ZFHX3: variants seen among roughly 807,000 people sequenced by gnomAD.
ZFHX3 encodes zinc finger homeobox protein 3.
ZFHX3 carries 42 observed loss-of-function variants against 279.1 expected under a neutral mutation model. The ratio of observed to expected loss-of-function variants is 0.15; its 90% CI spans 0.12 to 0.19. ZFHX3 has a LOEUF of 0.19. Among genes scored for constraint, ZFHX3 ranks in the 10% least tolerant of loss-of-function variants. The pLI is 1.00. For missense variants in ZFHX3, 4,981 were observed against 4,754.0 expected, an observed-to-expected ratio of 1.05 and a Z score of -1.40; for synonymous variants, 2,293 against 1,957.8, an observed-to-expected ratio of 1.17 and a Z score of -4.52.
chr16:73,885,502 G>A (rs2030316675), intron 1 of ZFHX3, among the ~76,000 whole-genome samples: 1 of 152,070 alleles, frequency 6.6e-6, no homozygotes, highest in East Asian at 1.9e-4. Flanking sequence ...TCTCTGAAAA[G>A]GGGAAGTGGT....
At chr16:73,538,018 C>T (rs1394113952) in intron 2 of ZFHX3, among the ~76,000 whole-genome samples, 2 of 152,164 alleles carry the variant, frequency 1.3e-5, no homozygotes, top group African/African-American at 4.8e-5. Context: ...GCTGACTGGT[C>T]ATTTTTGCAT....
intron 4 of ZFHX3, among the ~76,000 whole-genome samples, chr16:73,263,058 C>A (rs890219056): frequency 3.3e-5 from 5 of 152,144 alleles, no homozygotes; most frequent in East Asian, 3.9e-4. Flanking sequence ...CCCCAAGGAA[C>A]CATGAGATAA....
chr16:72,928,515 C>T (rs911251467), intron 3 of ZFHX3, among the ~76,000 whole-genome samples: 6 of 152,022 alleles, frequency 3.9e-5, no homozygotes, highest in African/African-American at 1.2e-4. Context: ...GAGGGGTCAG[C>T]GGTGTTTATG....
intron 1 of ZFHX3, among the ~76,000 whole-genome samples, chr16:73,708,480 C>T (rs1348482019): frequency 1.3e-5 from 2 of 152,162 alleles, no homozygotes; most frequent in Non-Finnish European, 2.9e-5. Context: ...AAATATTTCT[C>T]ACAAACTCTT....
rs752424561 is a variant in ZFHX3 at position 72,959,381 on chromosome 16, G to A, written c.765C>T (p.Cys255=). The change falls in exon 2 of 10, where the codon TGC becomes TGT. Residue 255 remains cysteine (C), a synonymous_variant. Transcript: ENST00000268489. Reference sequence around the variant, plus strand: ...CATTGTTGGGAACATCTTTGGATACGCAGGAGCTTTTGGCAGAACCGTCGC... The same window carrying A: ...CATTGTTGGGAACATCTTTGGATACACAGGAGCTTTTGGCAGAACCGTCGC... ...LNSDGSAKSS[C]VSKDVPNNVD... is the part of the protein sequence containing the mutation. 17 of 1,614,210 alleles carry A rather than the reference G, an allele frequency of 1.1e-5. No individual in the cohort carries two copies. Among genetic ancestry groups the A allele is most frequent in the Admixed American group, 5.0e-5 (3 of 60,030 alleles).
intron 2 of ZFHX3, among the ~76,000 whole-genome samples, chr16:73,591,155 A>C (rs1473619704): frequency 1.3e-5 from 2 of 151,862 alleles, no homozygotes; most frequent in Non-Finnish European, 2.9e-5. Context: ...GTTCGAGATC[A>C]GCCTGACCAA....
intron 5 of ZFHX3, among the ~76,000 whole-genome samples, chr16:73,248,856 G>A (rs1414433547): frequency 6.6e-6 from 1 of 152,020 alleles, no homozygotes; most frequent in African/African-American, 2.4e-5. Context: ...GACTGAGCAG[G>A]ATGGTATTTT....
intron 3 of ZFHX3, among the ~76,000 whole-genome samples, chr16:73,417,910 A>G (rs889274394): frequency 6.8e-6 from 1 of 145,994 alleles, no homozygotes; most frequent in African/African-American, 2.6e-5. Flanking sequence ...AATGGCGTGA[A>G]CCCAGGAGGC....
chr16:72,980,644 G>A (rs537841273), intron 1 of ZFHX3, among the ~76,000 whole-genome samples: 5 of 151,672 alleles, frequency 3.3e-5, no homozygotes, highest in East Asian at 1.9e-4. Context: ...AGTGGTGTGC[G>A]CCTGTAGTCC....
Position 73,858,711 on chromosome 16 carries a change from G to A in ZFHX3, c.-1608+32940C>T, listed in dbSNP as rs141050467. 2.6e-5 allele frequency among the ~76,000 whole-genome samples: 4 copies of A among 152,310 alleles called. No homozygotes were observed. The East Asian group carries it at 7.7e-4, about 29-fold the overall frequency. On this transcript the variant is annotated intron_variant, in intron 1 of 17. Transcript: ENST00000641206. ...AAAACACAAAGATAACACAAAAGAT[G>A]TCCAGGGAGCTTCAGCAAATGGAAG...
At chr16:73,002,668 T>C (rs1280038489) in intron 1 of ZFHX3, among the ~76,000 whole-genome samples, 1 of 152,184 alleles carries the variant, frequency 6.6e-6, no homozygotes, top group African/African-American at 2.4e-5. Flanking sequence ...ATGCTTACAG[T>C]AAATATCATA....
At chr16:73,092,632 C>T (rs910850507) in intron 8 of ZFHX3, 5 of 256,656 alleles carry the variant, frequency 1.9e-5, no homozygotes, top group East Asian at 1.0e-4. Flanking sequence ...AGAATCAAGC[C>T]GAGCGCGAAC....
chr16:73,428,077 T>G (rs543416428), intron 3 of ZFHX3, among the ~76,000 whole-genome samples: 2 of 152,252 alleles, frequency 1.3e-5, no homozygotes, highest in Admixed American at 1.3e-4. Context: ...GGAGGTCTAC[T>G]AAGCCGGGTC....
At chr16:73,661,370 A>G (rs958345357) in intron 2 of ZFHX3, among the ~76,000 whole-genome samples, 4 of 152,256 alleles carry the variant, frequency 2.6e-5, no homozygotes, top group East Asian at 3.8e-4. Context: ...ACATATAAGC[A>G]TGAAAGGAGT....
At chr16:73,775,192 G>C (rs765153006) in intron 1 of ZFHX3, among the ~76,000 whole-genome samples, 4 of 152,166 alleles carry the variant, frequency 2.6e-5, no homozygotes, top group Non-Finnish European at 4.4e-5. Context: ...AGTCCCTCAA[G>C]GTAAGCACCT....
At chr16:72,994,009 G>A (rs1053902917) in intron 1 of ZFHX3, among the ~76,000 whole-genome samples, 1 of 152,044 alleles carries the variant, frequency 6.6e-6, no homozygotes, top group African/African-American at 2.4e-5. Context: ...CAGCCCCGAC[G>A]ACAGATTTCT....
rs149790327 is a variant in ZFHX3, at chr16:72,796,094, A to T, written c.6588T>A (p.Thr2196=). 2.2e-5 allele frequency: 36 copies of T among 1,614,100 alleles called. No homozygotes were observed. The highest frequency in any genetic ancestry group is 1.6e-4 in the Middle Eastern group (1 of 6,062). ...TGTTACGCTGCCTCTCTTTGAAGAG[A>T]GTGTTCCTGAACCAGTGCTTGATCA... ...QKVIKHWFRN[T]LFKERQRNKD... is the part of the protein sequence containing the mutation. The change falls in exon 9 of 10, where the codon ACT becomes ACA. Residue 2196 remains threonine, a synonymous_variant. Transcript: ENST00000268489.
At chr16:73,520,126 G>C (rs1050155667) in intron 2 of ZFHX3, among the ~76,000 whole-genome samples, 1 of 152,056 alleles carries the variant, frequency 6.6e-6, no homozygotes, top group Non-Finnish European at 1.5e-5. Flanking sequence ...GTTTGAAATA[G>C]AAAAATGAGG....
chr16:73,617,466 G>A (rs912699690), intron 2 of ZFHX3, among the ~76,000 whole-genome samples: 4 of 152,062 alleles, frequency 2.6e-5, no homozygotes, highest in Non-Finnish European at 5.9e-5. Flanking sequence ...TAGCTTAGCA[G>A]TTATATGATA....
Sources: allele counts gnomAD v4.1 joint callset (sites outside exome capture counted in the v4.1 genomes callset), GRCh38; gene constraint gnomAD v4.1.1; transcripts MANE v1.5; gene names NCBI Gene and HGNC (gene_info 2026-07-23, HGNC 2026-07-21).